The following NXPE2 variants were observed in gnomAD, a reference collection of about 807,000 sequenced individuals.
NXPE2 encodes the protein NXPE family member 2.
A neutral mutation model predicts 34.4 loss-of-function variants in NXPE2; 34 were observed. The observed-to-expected ratio is 0.99, with a 90% confidence interval of 0.75 to 1.31. The LOEUF is 1.31. NXPE2 is among the 40% of genes most tolerant of loss of function. The pLI is 0.00. For synonymous variants in NXPE2, 235 were observed against 231.3 expected (o/e 1.02, Z -0.15); for missense variants, 649 against 672.5 (o/e 0.97, Z 0.39).
chr11:114,766,282 C>T, the NXPE2 span, among the ~76,000 whole-genome samples: 1 of 152,070 alleles, frequency 6.6e-6, no homozygotes, highest in Admixed American at 6.6e-5. Flanking sequence ...TCCAAGCTGC[C>T]CTTCCACCTG....
the NXPE2 span, among the ~76,000 whole-genome samples, chr11:114,734,528 T>G: frequency 2.0e-5 from 3 of 152,204 alleles, no homozygotes; most frequent in Non-Finnish European, 4.4e-5. Context: ...AACCAAGACT[T>G]TTTGCCAACA....
the NXPE2 span, among the ~76,000 whole-genome samples, chr11:114,759,660 T>A: frequency 6.6e-6 from 1 of 152,222 alleles, no homozygotes; most frequent in Admixed American, 6.5e-5. Context: ...AATAAGTTTT[T>A]CATAGAGTAA....
chr11:114,771,609 T>C, the NXPE2 span, among the ~76,000 whole-genome samples: 1 of 152,144 alleles, frequency 6.6e-6, no homozygotes, highest in Non-Finnish European at 1.5e-5. Flanking sequence ...CACTCAGTCC[T>C]CGTGAGTGCT....
chr11:114,735,945 A>G, the NXPE2 span, among the ~76,000 whole-genome samples: 2 of 152,196 alleles, frequency 1.3e-5, no homozygotes, highest in African/African-American at 2.4e-5. Flanking sequence ...GACAGAGTAC[A>G]AAAGAGAGAA....
the NXPE2 span, among the ~76,000 whole-genome samples, chr11:114,528,089 G>A: frequency 6.6e-6 from 1 of 152,158 alleles, no homozygotes; most frequent in Non-Finnish European, 1.5e-5. Context: ...CTACCCTGCT[G>A]AGAGCACCTG....
the NXPE2 span, chr11:114,582,722 T>C: frequency 6.2e-7 from 1 of 1,614,116 alleles, no homozygotes; most frequent in Non-Finnish European, 8.5e-7. Flanking sequence ...CCCCGCCATA[T>C]TGCTTCCTGC....
chr11:114,509,080 A>G, the NXPE2 span, among the ~76,000 whole-genome samples: 1 of 152,216 alleles, frequency 6.6e-6, no homozygotes, highest in African/African-American at 2.4e-5. Flanking sequence ...ACCCCATTAA[A>G]AAGTGAGCAA....
In NXPE2 at chr11:114,706,264, T is replaced by A. The variant is rs553797147; in HGVS notation, c.1145-131T>A. The A allele has an allele frequency of 4.1e-5, 29 of 702,920 alleles. No homozygotes were observed. In the African/African-American group the frequency reaches 4.4e-4, roughly 11 times the overall value. The allele number at this position is 702,920 out of a possible 1,614,324, so 43.5% of individuals were successfully genotyped here. On this transcript the variant is annotated intron_variant, in intron 5 of 5. Transcript: ENST00000389586. ...TAAGATTGTAATGCACCTGGTAAAA[T>A]TATCCACCTTACATAGGCAATAGTG...
At chr11:114,670,865 G>A in the NXPE2 span, among the ~76,000 whole-genome samples, 19 of 151,204 alleles carry the variant, frequency 1.3e-4, no homozygotes, top group Non-Finnish European at 4.4e-5. Context: ...AGGAGAAAAC[G>A]CAGGCAATGG....
At chr11:114,495,215 G>T in the NXPE2 span, among the ~76,000 whole-genome samples, 1 of 151,988 alleles carries the variant, frequency 6.6e-6, no homozygotes, top group Non-Finnish European at 1.5e-5. Context: ...ACCACTGCCT[G>T]GCTACTGCCT....
chr11:114,626,672 G>T, the NXPE2 span, among the ~76,000 whole-genome samples: 1 of 152,216 alleles, frequency 6.6e-6, no homozygotes, highest in Non-Finnish European at 1.5e-5. Context: ...GCTGGACGGA[G>T]AATGACTTTG....
At chr11:114,497,761 C>T in the NXPE2 span, among the ~76,000 whole-genome samples, 1 of 152,300 alleles carries the variant, frequency 6.6e-6, no homozygotes, top group East Asian at 1.9e-4. Flanking sequence ...AGATATTCCA[C>T]ATATTTTATT....
the NXPE2 span, among the ~76,000 whole-genome samples, chr11:114,642,549 A>G: frequency 6.6e-6 from 1 of 152,042 alleles, no homozygotes; most frequent in Non-Finnish European, 1.5e-5. Context: ...TTTGCTGAGA[A>G]TGATGGTTTC....
chr11:114,492,318 G>A, the NXPE2 span, among the ~76,000 whole-genome samples: 84 of 151,784 alleles, frequency 5.5e-4, no homozygotes, highest in Non-Finnish European at 9.3e-4. Context: ...TCTTGTTATC[G>A]ATTTGTAGTT....
chr11:114,502,799 A>G, the NXPE2 span, among the ~76,000 whole-genome samples: 1 of 152,324 alleles, frequency 6.6e-6, no homozygotes, highest in African/African-American at 2.4e-5. Context: ...GACATTACCT[A>G]TGAAAAACCT....
At chr11:114,798,010 G>A in the NXPE2 span, among the ~76,000 whole-genome samples, 10 of 152,114 alleles carry the variant, frequency 6.6e-5, no homozygotes, top group South Asian at 2.1e-4. Flanking sequence ...AATCTAAACC[G>A]AAGTTAAATT....
the NXPE2 span, among the ~76,000 whole-genome samples, chr11:114,505,561 G>A: frequency 6.6e-6 from 1 of 152,124 alleles, no homozygotes; most frequent in Non-Finnish European, 1.5e-5. Flanking sequence ...AGGAGATTGA[G>A]GGTCAATATT....
At chr11:114,570,888 G>T in the NXPE2 span, 1 of 1,333,566 alleles carries the variant, frequency 7.5e-7, no homozygotes, top group Non-Finnish European at 1.0e-6. Context: ...CTAGTAGACA[G>T]TCAATAAATT....
the NXPE2 span, among the ~76,000 whole-genome samples, chr11:114,602,415 C>T: frequency 7.7e-6 from 1 of 129,770 alleles, no homozygotes; most frequent in East Asian, 2.2e-4. Context: ...CACTATTGAA[C>T]ATATCAATAA....
Sources: allele counts gnomAD v4.1 joint callset (sites outside exome capture counted in the v4.1 genomes callset), GRCh38; gene constraint gnomAD v4.1.1; transcripts MANE v1.5; gene names NCBI Gene and HGNC (gene_info 2026-07-23, HGNC 2026-07-21).